Variants in STK32C observed in about 807,000 individuals in gnomAD.
STK32C encodes the protein serine/threonine kinase 32C, also known as serine/threonine-protein kinase 32C.
Under a neutral mutation model 56.5 loss-of-function variants are expected in STK32C, and 31 were observed. The ratio of observed to expected loss-of-function variants is 0.55; its 90% CI spans 0.41 to 0.74. The LOEUF (loss-of-function observed/expected upper bound fraction) is 0.74. Ranked by LOEUF, STK32C falls within the 30% of genes least tolerant of loss-of-function variation. The pLI is 0.00. For synonymous variants in STK32C, 309 were observed against 289.4 expected (o/e 1.07, Z -0.69); for missense variants, 544 against 676.9 (o/e 0.80, Z 2.18).
At chr10:132,274,820 C>A (rs1156848760) in intron 1 of STK32C, among the ~76,000 whole-genome samples, 1 of 152,264 alleles carries the variant, frequency 6.6e-6, no homozygotes, top group African/African-American at 2.4e-5. Context: ...GCCGCACAGG[C>A]AGCCAGCAGG....
At chr10:132,277,088 ACT>A (rs1310858387) in intron 1 of STK32C, among the ~76,000 whole-genome samples, 1 of 152,176 alleles carries the variant, frequency 6.6e-6, no homozygotes, top group Non-Finnish European at 1.5e-5. Context: ...AGAGTGTAAG[ACT>A]CTGTTCTCTT....
At chr10:132,270,228 T>C (rs1391568624) in intron 1 of STK32C, among the ~76,000 whole-genome samples, 1 of 152,208 alleles carries the variant, frequency 6.6e-6, no homozygotes, top group Non-Finnish European at 1.5e-5. Flanking sequence ...TCACCTTATG[T>C]GGCAAAAAGG....
At chr10:132,211,362 C>CGCCCGTCGTG (rs2062293854) in intron 10 of STK32C, among the ~76,000 whole-genome samples, 1 of 152,160 alleles carries the variant, frequency 6.6e-6, no homozygotes, top group Non-Finnish European at 1.5e-5. Flanking sequence ...AGAACATGAG[C>CGCCCGTCGTG]GCCCGTCGTG....
intron 1 of STK32C, among the ~76,000 whole-genome samples, chr10:132,253,525 CGGAGGGAGCT>C (rs2063991083): frequency 1.0e-5 from 1 of 98,064 alleles, no homozygotes; most frequent in Non-Finnish European, 2.0e-5. Context: ...CTGAGGGAGC[CGGAGGGAGCT>C]GGAGGGAGTC....
intron 1 of STK32C, among the ~76,000 whole-genome samples, chr10:132,300,652 G>C (rs755390290): frequency 3.9e-5 from 6 of 152,230 alleles, no homozygotes; most frequent in Admixed American, 6.5e-5. Flanking sequence ...TCAGCAGGTT[G>C]GTCTGCCTGT....
intron 10 of STK32C, among the ~76,000 whole-genome samples, chr10:132,210,214 C>T (rs2062248473): frequency 6.6e-6 from 1 of 151,998 alleles, no homozygotes; most frequent in South Asian, 2.1e-4. Flanking sequence ...GGACTCTTCC[C>T]TGTCACAGTG....
chr10:132,262,280 T>C (rs1476059597), intron 1 of STK32C, among the ~76,000 whole-genome samples: 1 of 152,122 alleles, frequency 6.6e-6, no homozygotes, highest in African/African-American at 2.4e-5. Flanking sequence ...TTTCACCATA[T>C]ACAAAAATTA....
intron 1 of STK32C, among the ~76,000 whole-genome samples, chr10:132,274,494 T>G (rs541299056): frequency 1.2e-4 from 19 of 152,220 alleles, no homozygotes; most frequent in Non-Finnish European, 2.6e-4. Flanking sequence ...ACAGTTGTTT[T>G]GCAGGAAATG....
intron 4 of STK32C, among the ~76,000 whole-genome samples, chr10:132,226,350 TTC>T (rs1192343179): frequency 2.6e-5 from 4 of 152,268 alleles, no homozygotes; most frequent in Admixed American, 2.0e-4. Flanking sequence ...GCTTCCTATT[TTC>T]TTTTTTTAAA....
At chr10:132,285,860 G>A (rs891265954) in intron 1 of STK32C, among the ~76,000 whole-genome samples, 2 of 152,194 alleles carry the variant, frequency 1.3e-5, no homozygotes, top group Admixed American at 6.5e-5. Context: ...GGTGGCTCAC[G>A]CGTGTAAGCC....
intron 1 of STK32C, among the ~76,000 whole-genome samples, chr10:132,285,514 G>T (rs1339160577): frequency 1.3e-5 from 2 of 152,218 alleles, no homozygotes; most frequent in Non-Finnish European, 2.9e-5. Context: ...GGTGGAAAAT[G>T]ATACATCATG....
At chr10:132,242,472 C>T (rs990634137) in intron 2 of STK32C, among the ~76,000 whole-genome samples, 3 of 152,126 alleles carry the variant, frequency 2.0e-5, no homozygotes, top group African/African-American at 4.8e-5. Flanking sequence ...TAAAGACAGA[C>T]ACTCCAAGAG....
At chr10:132,215,568 G>GCCATGATTGTGAGGCCTCCCC (rs2062446300) in intron 10 of STK32C, among the ~76,000 whole-genome samples, 1 of 151,916 alleles carries the variant, frequency 6.6e-6, no homozygotes, top group South Asian at 2.1e-4. Flanking sequence ...CTTGCCTTCC[G>GCCATGATTGTGAGGCCTCCCC]CCATGATTGT....
chr10:132,240,468 C>A (rs2063462316), intron 2 of STK32C, among the ~76,000 whole-genome samples: 1 of 152,212 alleles, frequency 6.6e-6, no homozygotes, highest in Non-Finnish European at 1.5e-5. Context: ...CGTACACAGG[C>A]CCTGCACGGG....
chr10:132,303,930 T>C (rs2065982765), intron 1 of STK32C, among the ~76,000 whole-genome samples: 1 of 152,214 alleles, frequency 6.6e-6, no homozygotes, highest in Non-Finnish European at 1.5e-5. Flanking sequence ...CACTCGCTCC[T>C]GCCTCCCTGT....
chr10:132,227,780 T>G (rs545556317), intron 3 of STK32C, among the ~76,000 whole-genome samples, 197 bp downstream of exon 3: 1 of 152,288 alleles, frequency 6.6e-6, no homozygotes, highest in East Asian at 1.9e-4. Flanking sequence ...CCCCAGCATG[T>G]CATGGCCACC....
At chr10:132,271,707 G>A (rs189109946) in intron 1 of STK32C, among the ~76,000 whole-genome samples, 9 of 152,272 alleles carry the variant, frequency 5.9e-5, no homozygotes, top group East Asian at 1.9e-4. Flanking sequence ...AGCACACATC[G>A]GAGTGACCTG....
chr10:132,331,568 T>C (rs1035339575), exon 1 of STK32C: 13 of 1,612,878 alleles, frequency 8.1e-6, no homozygotes, highest in Non-Finnish European at 1.1e-5. Context: ...CTGTGGGAAG[T>C]GGCTCCAGGA....
rs141513456 is a variant in STK32C at position 132,254,381 on chromosome 10, A to G, written c.263-8426T>C. The stretch of plus-strand genomic sequence containing the variant: ...CTTGTATCAAAACTGGTAAGAAAAT[A>G]CTCCCAATGAGGACAGCAAAAGAAG... On this transcript the variant is annotated intron_variant, in intron 1 of 11. Transcript: ENST00000298630. 6.5e-3 allele frequency among the ~76,000 whole-genome samples: 988 copies of G among 152,260 alleles called. 12 individuals are homozygous for G. Among genetic ancestry groups the G allele is most frequent in the African/African-American group, 0.022 (911 of 41,518 alleles).
Sources: gnomAD v4.1 joint callset for allele counts (sites outside exome capture counted in the v4.1 genomes callset) on GRCh38, gnomAD v4.1.1 for gene constraint, MANE v1.5 for transcripts, NCBI Gene and HGNC (gene_info 2026-07-23, HGNC 2026-07-21) for gene names.